The following GFM1 variants were observed in gnomAD, a reference collection of about 807,000 sequenced individuals.
GFM1 encodes the protein G elongation factor mitochondrial 1.
Under a neutral mutation model 96.2 loss-of-function variants are expected in GFM1, and 62 were observed. That is an observed-to-expected ratio of 0.64 (90% confidence interval 0.53 to 0.80). The LOEUF (loss-of-function observed/expected upper bound fraction) is 0.80. Among genes scored for constraint, GFM1 ranks in the 30% least tolerant of loss-of-function variants. The pLI is 0.00. For missense variants in GFM1, 852 were observed against 916.6 expected (o/e 0.93, Z 0.91); for synonymous variants, 282 against 312.9 (o/e 0.90, Z 1.04).
intron 5 of GFM1, chr3:158,649,983 TA>T: frequency 6.5e-7 from 1 of 1,531,708 alleles, no homozygotes. Flanking sequence ...GTGACCTCTG[TA>T]GCCTGGTCGT....
intron 8 of GFM1, among the ~76,000 whole-genome samples, chr3:158,658,505 G>T (rs1722944835): frequency 6.6e-6 from 1 of 152,122 alleles, no homozygotes; most frequent in Non-Finnish European, 1.5e-5. Flanking sequence ...GATTGTCAGA[G>T]ATTGTGTTTT....
intron 8 of GFM1, chr3:158,656,065 G>T (rs968966063): frequency 2.7e-6 from 1 of 368,222 alleles, no homozygotes; most frequent in East Asian, 7.3e-5. Context: ...TAGGAGGACT[G>T]CCATCGAGGT....
chr3:158,688,499 C>G (rs896144966), intron 15 of GFM1, among the ~76,000 whole-genome samples: 5 of 152,162 alleles, frequency 3.3e-5, no homozygotes, highest in African/African-American at 1.2e-4. Flanking sequence ...TACCCTTTCA[C>G]AATCTAGATG....
chr3:158,646,972 G>C (rs1294766826), intron 4 of GFM1, 25 bp downstream of exon 4: 9 of 1,574,762 alleles, frequency 5.7e-6, no homozygotes, highest in Non-Finnish European at 7.9e-6. Context: ...AATAAACAAA[G>C]AGGATGTGAT....
intron 13 of GFM1, among the ~76,000 whole-genome samples, chr3:158,680,382 A>G (rs1319639128): frequency 6.6e-6 from 1 of 152,148 alleles, no homozygotes; most frequent in Non-Finnish European, 1.5e-5. Context: ...ATAATGTGAC[A>G]TTTCTTTCAC....
Position 158,646,887 on chromosome 3 carries a change from C to T in GFM1, c.512C>T (p.Thr171Ile), listed in dbSNP as rs1721862758. 6.2e-7 allele frequency: 1 copy of T among 1,614,098 alleles called. No individual in the cohort carries two copies. ...AAGCGCTACAACGTTCCGTTTCTAA[C>T]TTTTATTAACAAATTGGACCGAATG... ...QMKRYNVPFL[T>I]FINKLDRMGS... Residue 171 changes from threonine to isoleucine, a missense_variant, in exon 4 of 18, where the codon ACT becomes ATT. By Grantham distance (89) the Thr-to-Ile change is moderately conservative. Transcript: ENST00000486715.
At chr3:158,666,650 T>A (rs1157605711) in intron 13 of GFM1, 1 of 1,612,974 alleles carries the variant, frequency 6.2e-7, no homozygotes, top group African/African-American at 1.3e-5. Flanking sequence ...TTTTGTTTAT[T>A]CCAGTTGTAC....
At chr3:158,645,460 C>T (rs553551272) in intron 1 of GFM1, among the ~76,000 whole-genome samples, 169 bp from the exon 2 acceptor site, 1 of 152,148 alleles carries the variant, frequency 6.6e-6, no homozygotes, top group East Asian at 1.9e-4. Flanking sequence ...GAAGTCTGTC[C>T]TCTGATTACA....
At chr3:158,644,772 C>G in intron 1 of GFM1, 57 bp downstream of exon 1, 1 of 1,440,540 alleles carries the variant, frequency 6.9e-7, no homozygotes, top group South Asian at 1.2e-5. Flanking sequence ...GTGATCCCTT[C>G]TGGGCAATGG....
In GFM1 at chr3:158,652,218, A is replaced by G; in HGVS notation, c.812A>G (p.Glu271Gly). The change falls in exon 6 of 18, where the codon GAA becomes GGA. Residue 271 changes from glutamate (E) to glycine (G), a missense_variant. Glu to Gly is a moderately conservative substitution (Grantham distance 98). Transcript: ENST00000486715. ...CAGCTTGGTGAGATGTTTCTGGAAG[A>G]AAAAATCCCCTCGATTTCTGATTTA... is the stretch of plus-strand genomic sequence containing the variant. Reference protein sequence around the residue: ...DEQLGEMFLEEKIPSISDLKL... With the variant: ...DEQLGEMFLEGKIPSISDLKL... The G allele has an allele frequency of 6.2e-7, 1 of 1,614,176 alleles. No homozygotes were observed. Among genetic ancestry groups the G allele is most frequent in the Non-Finnish European group, 8.5e-7 (1 of 1,180,002 alleles).
chr3:158,691,227 C>G (rs1364777381), intron 17 of GFM1, 35 bp downstream of exon 17: 1 of 1,602,374 alleles, frequency 6.2e-7, no homozygotes, highest in African/African-American at 1.3e-5. Flanking sequence ...CAAAAGACCA[C>G]CCTACAGAAT....
intron 13 of GFM1, among the ~76,000 whole-genome samples, chr3:158,667,805 C>CA (rs552806987): frequency 6.6e-6 from 1 of 151,854 alleles, no homozygotes; most frequent in Admixed American, 6.6e-5. Flanking sequence ...GGCAAACAAA[C>CA]AAAAAAACCA....
rs551478401 is a variant in GFM1 at position 158,652,077 on chromosome 3, A to G, written c.690-19A>G. 8 of 1,612,080 alleles carry G rather than the reference A, an allele frequency of 5.0e-6. No individual in the cohort carries two copies. In the African/African-American group the frequency reaches 9.3e-5, roughly 19 times the overall value. On this transcript the variant is annotated intron_variant, in intron 5 of 17. Transcript: ENST00000486715. ...TTAAGTTGAATATCCTTAAAGCACC[A>G]AAATATTTGCTTTCTTAGTCAGATT...
intron 8 of GFM1, among the ~76,000 whole-genome samples, chr3:158,655,587 A>G (rs547060299): frequency 2.0e-5 from 3 of 152,302 alleles, no homozygotes; most frequent in Non-Finnish European, 2.9e-5. Context: ...TTATGTTGAA[A>G]TGCCTATTTT....
chr3:158,645,377 G>T (rs1249896178), intron 1 of GFM1, among the ~76,000 whole-genome samples: 4 of 152,176 alleles, frequency 2.6e-5, no homozygotes, highest in Admixed American at 2.6e-4. Flanking sequence ...AGTAAAAAGT[G>T]TCTCCCATTT....
chr3:158,653,079 A>G (rs1319928275), intron 6 of GFM1, among the ~76,000 whole-genome samples: 2 of 152,170 alleles, frequency 1.3e-5, no homozygotes, highest in African/African-American at 4.8e-5. Context: ...AGTGATTCCA[A>G]GAGTGTCGAA....
rs371977811 is a variant in GFM1 at position 158,646,224 on chromosome 3, A to G, written c.294A>G (p.Arg98=). 8.1e-6 allele frequency: 13 copies of G among 1,613,796 alleles called. 1 individual carries two copies. Among genetic ancestry groups the G allele is most frequent in the East Asian group, 4.5e-5 (2 of 44,892 alleles). The change falls in exon 3 of 18, where the codon AGA becomes AGG. Residue 98 remains arginine (R), a synonymous_variant. Coordinates refer to ENST00000486715, the MANE Select transcript of GFM1 (RefSeq NM_024996.7). ...VMDSMELERQ[R]GITIQSAATY... ...ATTCCATGGAACTAGAGAGACAAAG[A>G]GGAATCACTATTCAGTCAGCAGCCA...
At chr3:158,672,393 T>G (rs1423010250) in intron 13 of GFM1, 6 of 1,614,048 alleles carry the variant, frequency 3.7e-6, no homozygotes, top group Middle Eastern at 1.6e-4. Flanking sequence ...AAACACCCTG[T>G]GCGGGGTCCC....
chr3:158,646,840 C>G lies in GFM1; in HGVS notation c.465C>G (p.Thr155=). ...LCAVGGVQCQ[T]MTVNRQMKRY... ...CTGTTGGAGGGGTACAGTGCCAGAC[C>G]ATGACTGTCAATCGTCAGATGAAGC... The change falls in exon 4 of 18, where the codon ACC becomes ACG. Residue 155 remains threonine (T), a synonymous_variant. Transcript: ENST00000486715. 1 of 1,614,122 alleles carries G rather than the reference C, an allele frequency of 6.2e-7. No homozygotes were observed. Among genetic ancestry groups the G allele is most frequent in the South Asian group, 1.1e-5 (1 of 91,082 alleles).
Sources: gnomAD v4.1 joint callset for allele counts (sites outside exome capture counted in the v4.1 genomes callset) on GRCh38, gnomAD v4.1.1 for gene constraint, MANE v1.5 for transcripts, NCBI Gene and HGNC (gene_info 2026-07-23, HGNC 2026-07-21) for gene names.